SEMA6D: variants seen among roughly 807,000 people sequenced by gnomAD.
SEMA6D encodes the protein semaphorin 6D, also known as semaphorin-6D.
SEMA6D carries 35 observed loss-of-function variants against 106.6 expected under a neutral mutation model. The ratio of observed to expected loss-of-function variants is 0.33; its 90% CI spans 0.25 to 0.44. SEMA6D has a LOEUF of 0.44. Ranked by LOEUF, SEMA6D falls within the 20% of genes least tolerant of loss-of-function variation. The pLI, the probability that SEMA6D is intolerant of heterozygous loss-of-function variation, is 1.00. For synonymous variants in SEMA6D, 499 were observed against 487.7 expected (o/e 1.02, Z -0.31); for missense variants, 1,185 against 1,345.9 (o/e 0.88, Z 1.87).
At chr15:47,707,281 T>C (rs2078930399) in intron 4 of SEMA6D, among the ~76,000 whole-genome samples, 2 of 152,194 alleles carry the variant, frequency 1.3e-5, no homozygotes, top group Non-Finnish European at 2.9e-5. Flanking sequence ...TGCCTAAGTT[T>C]ACATGGAGTG....
At chr15:47,250,264 A>G (rs2033436425) in intron 1 of SEMA6D, among the ~76,000 whole-genome samples, 1 of 152,142 alleles carries the variant, frequency 6.6e-6, no homozygotes, top group South Asian at 2.1e-4. Context: ...GCACAGAACA[A>G]GACACGACAT....
chr15:47,640,654 T>A (rs944345101), intron 4 of SEMA6D, among the ~76,000 whole-genome samples: 1 of 152,158 alleles, frequency 6.6e-6, no homozygotes, highest in South Asian at 2.1e-4. Context: ...ATTGGAGGTA[T>A]TGCTTTCTCT....
intron 4 of SEMA6D, among the ~76,000 whole-genome samples, chr15:47,664,284 G>T (rs1432240968): frequency 5.9e-5 from 9 of 152,170 alleles, no homozygotes; most frequent in African/African-American, 1.9e-4. Context: ...AGAGGAATTT[G>T]CTCTGCTTGG....
chr15:47,254,797 G>C (rs1233035893), intron 1 of SEMA6D, among the ~76,000 whole-genome samples: 1 of 151,590 alleles, frequency 6.6e-6, no homozygotes, highest in Non-Finnish European at 1.5e-5. Flanking sequence ...TCTTTTTAAT[G>C]TGCTGTTGGA....
intron 1 of SEMA6D, among the ~76,000 whole-genome samples, chr15:47,284,427 T>C (rs1011122969): frequency 1.3e-5 from 2 of 152,240 alleles, no homozygotes; most frequent in Non-Finnish European, 2.9e-5. Flanking sequence ...TGATGGTTGA[T>C]TCCCAAGGTC....
At chr15:47,345,427 C>T (rs589497) in intron 1 of SEMA6D, among the ~76,000 whole-genome samples, 71,001 of 151,926 alleles carry the variant, frequency 0.47, 19,697 homozygotes, top group South Asian at 0.61. Context: ...TGATTTCCAA[C>T]ACAAGAGTAA....
intron 1 of SEMA6D, among the ~76,000 whole-genome samples, chr15:47,326,012 G>T (rs1254997011): frequency 1.3e-5 from 2 of 152,144 alleles, no homozygotes; most frequent in Middle Eastern, 3.2e-3. Context: ...TCAGAAAAGT[G>T]CCTGCTACTA....
intron 1 of SEMA6D, among the ~76,000 whole-genome samples, chr15:47,330,959 G>A (rs2037320237): frequency 6.6e-6 from 1 of 152,194 alleles, no homozygotes; most frequent in Admixed American, 6.5e-5. Context: ...CTGGAAGTGA[G>A]TCTCCTCCTC....
intron 3 of SEMA6D, among the ~76,000 whole-genome samples, chr15:47,522,549 C>A (rs569350089): frequency 4.1e-4 from 63 of 152,248 alleles, no homozygotes; most frequent in African/African-American, 1.3e-3. Context: ...AAGTAAGCAT[C>A]CTTTCAAGAG....
intron 4 of SEMA6D, among the ~76,000 whole-genome samples, chr15:47,637,895 C>G (rs2077419237): frequency 6.6e-6 from 1 of 152,148 alleles, no homozygotes; most frequent in African/African-American, 2.4e-5. Context: ...CCAGACAACA[C>G]ATAAATCACA....
At chr15:47,693,700 C>T (rs1274125350) in intron 4 of SEMA6D, among the ~76,000 whole-genome samples, 2 of 152,036 alleles carry the variant, frequency 1.3e-5, no homozygotes, top group Non-Finnish European at 2.9e-5. Flanking sequence ...TTCGGGAGGG[C>T]AAGGAGGGAG....
At chr15:47,648,821 G>T (rs2077629926) in intron 4 of SEMA6D, among the ~76,000 whole-genome samples, 1 of 152,134 alleles carries the variant, frequency 6.6e-6, no homozygotes, top group Non-Finnish European at 1.5e-5. Flanking sequence ...GTTCGGTGAT[G>T]TTTTTGTGAC....
At chr15:47,403,480 A>C (rs1346913236) in intron 1 of SEMA6D, among the ~76,000 whole-genome samples, 1 of 152,220 alleles carries the variant, frequency 6.6e-6, no homozygotes, top group Non-Finnish European at 1.5e-5. Flanking sequence ...TATGGGGAGA[A>C]ACATGAATGA....
At chr15:47,316,698 T>A (rs2036697209) in intron 1 of SEMA6D, among the ~76,000 whole-genome samples, 1 of 151,992 alleles carries the variant, frequency 6.6e-6, no homozygotes, top group South Asian at 2.1e-4. Context: ...TTTTTTAGCT[T>A]GGTGATGTGT....
intron 1 of SEMA6D, among the ~76,000 whole-genome samples, chr15:47,756,878 A>G (rs1162214920): frequency 1.3e-5 from 2 of 148,228 alleles, no homozygotes; most frequent in Non-Finnish European, 1.5e-5. Flanking sequence ...TATAACTACT[A>G]TGGCAAGTCT....
intron 4 of SEMA6D, among the ~76,000 whole-genome samples, chr15:47,623,140 C>T (rs1405999327): frequency 6.6e-6 from 1 of 152,090 alleles, no homozygotes; most frequent in East Asian, 1.9e-4. Flanking sequence ...GCATAAGTAG[C>T]TTTATTTGTA....
intron 1 of SEMA6D, among the ~76,000 whole-genome samples, chr15:47,324,873 T>C (rs1056057642): frequency 6.6e-6 from 1 of 152,040 alleles, no homozygotes; most frequent in Non-Finnish European, 1.5e-5. Context: ...CTTAGGACTA[T>C]ATTGTGAACA....
intron 1 of SEMA6D, among the ~76,000 whole-genome samples, chr15:47,337,136 C>A (rs1288783654): frequency 2.0e-5 from 3 of 152,040 alleles, no homozygotes; most frequent in Admixed American, 6.6e-5. Context: ...AACCCTAGTC[C>A]AGTTTTGGAA....
intron 2 of SEMA6D, among the ~76,000 whole-genome samples, chr15:47,452,614 GT>G (rs1247458601): frequency 2.6e-5 from 4 of 151,928 alleles, no homozygotes; most frequent in Admixed American, 2.6e-4. Flanking sequence ...TTAATGGGAT[GT>G]TTTTGGGTTT....
Sources: allele counts gnomAD v4.1 joint callset (sites outside exome capture counted in the v4.1 genomes callset), GRCh38; gene constraint gnomAD v4.1.1; transcripts MANE v1.5; gene names NCBI Gene and HGNC (gene_info 2026-07-23, HGNC 2026-07-21).